SRRM3: variants seen among roughly 807,000 people sequenced by gnomAD.
SRRM3 encodes the protein serine/arginine repetitive matrix protein 3.
In SRRM3, 27 loss-of-function variants were observed where a neutral mutation model predicts 66.2. The observed-to-expected ratio is 0.41, with a 90% CI of 0.30 to 0.56. The LOEUF is 0.56. Ranked by LOEUF, SRRM3 falls within the 20% of genes least tolerant of loss-of-function variation. The pLI is 0.32. For synonymous variants in SRRM3, 391 were observed against 414.9 expected, an observed-to-expected ratio of 0.94 and a Z score of 0.70; for missense variants, 918 against 991.9, an observed-to-expected ratio of 0.93 and a Z score of 1.00.
At chr7:76,245,095 G>A (rs782453627) in intron 2 of SRRM3, among the ~76,000 whole-genome samples, 2 of 152,214 alleles carry the variant, frequency 1.3e-5, no homozygotes, top group Admixed American at 6.5e-5. Flanking sequence ...ACCTGCGATG[G>A]GGGGAGGCAT....
Position 76,261,587 on chromosome 7 carries a change from C to T in SRRM3, c.674+6C>T, listed in dbSNP as rs370761047. 3.5e-5 allele frequency: 56 copies of T among 1,610,232 alleles called. No homozygotes were observed. The highest frequency in any genetic ancestry group is 3.3e-4 in the African/African-American group (25 of 74,934). On this transcript the variant is annotated splice_donor_region_variant and intron_variant, in intron 8 of 14. Coordinates refer to ENST00000611745, the MANE Select transcript of SRRM3 (RefSeq NM_001110199.3). ...CGGAGGAAGAGACGGCACAGGTGAG[C>T]GGCGCTTTGCAGAGGACATGGTCAG...
chr7:76,209,604 A>AT (rs11290590), intron 1 of SRRM3, among the ~76,000 whole-genome samples: 2,749 of 136,794 alleles, frequency 0.02, 52 homozygotes, highest in African/African-American at 0.044. Flanking sequence ...AAGAGTTGGA[A>AT]TTTTTTTTTT....
At chr7:76,277,299 T>C (rs908676531) in intron 11 of SRRM3, among the ~76,000 whole-genome samples, 2 of 152,102 alleles carry the variant, frequency 1.3e-5, no homozygotes, top group Non-Finnish European at 2.9e-5. Context: ...CTCAGCATAA[T>C]GTAGTGGGAA....
At chr7:76,261,307 A>G in intron 6 of SRRM3, 45 bp from the exon 7 acceptor site, 3 of 111,470 alleles carry the variant, frequency 2.7e-5, no homozygotes, top group South Asian at 1.3e-4. Context: ...CCAGCCCCCC[A>G]CCCCCCACCC....
chr7:76,206,733 C>G (rs910020199), intron 1 of SRRM3, among the ~76,000 whole-genome samples: 1 of 152,180 alleles, frequency 6.6e-6, no homozygotes, highest in East Asian at 1.9e-4. Context: ...CCTCGCCCCC[C>G]AAGGACTCCT....
chr7:76,275,173 T>G (rs1180660275), intron 11 of SRRM3, among the ~76,000 whole-genome samples: 1 of 150,296 alleles, frequency 6.7e-6, no homozygotes, highest in Non-Finnish European at 1.5e-5. Context: ...CTACACGGGC[T>G]TCTATCTTCA....
intron 1 of SRRM3, 152 bp from the exon 2 acceptor site, chr7:76,234,876 A>G (rs1156506437): frequency 3.4e-6 from 2 of 584,254 alleles, no homozygotes; most frequent in Non-Finnish European, 5.9e-6. Context: ...CAAAGGTGCA[A>G]ACCAGCCGTC....
In SRRM3 at chr7:76,266,051, G is replaced by C. The variant is rs1355373234; in HGVS notation, c.830+583G>C. On this transcript the variant is annotated intron_variant, in intron 10 of 14. Transcript: ENST00000611745. ...GCCCGGCTAATTTTTTGTATTTTTA[G>C]TAGAGACGGGGTTTCACCGTTTTAG... is the stretch of plus-strand genomic sequence containing the variant. Among the ~76,000 whole-genome samples the C allele has an allele frequency of 3.8e-5, 3 of 78,348 alleles. 1 individual carries two copies. The highest frequency in any genetic ancestry group is 3.6e-4 in the African/African-American group (3 of 8,302). 51.4% of individuals were successfully genotyped at this position (78,348 alleles called of 152,430 possible). A position where few individuals can be genotyped will look rare whatever the true frequency, so the allele number is the denominator to read the frequency against.
chr7:76,265,985 CAGCCTCCCA>C (rs1474491845), intron 10 of SRRM3, among the ~76,000 whole-genome samples: 1 of 72,870 alleles, frequency 1.4e-5, no homozygotes, highest in Non-Finnish European at 2.1e-5. Context: ...TCTCCTGCCT[CAGCCTCCCA>C]AGTAGCTGGG....
intron 12 of SRRM3, 149 bp from the exon 13 acceptor site, chr7:76,282,499 T>C: frequency 2.5e-6 from 1 of 398,296 alleles, no homozygotes; most frequent in South Asian, 5.1e-5. Flanking sequence ...CTCACTAGGC[T>C]CCGCGTTCAC....
chr7:76,219,969 G>A (rs1368254169), intron 1 of SRRM3, among the ~76,000 whole-genome samples: 1 of 152,166 alleles, frequency 6.6e-6, no homozygotes, highest in Non-Finnish European at 1.5e-5. Context: ...CAAAGTAGAT[G>A]ACCATGAGGC....
At chr7:76,272,182 C>T (rs1213448821) in intron 11 of SRRM3, among the ~76,000 whole-genome samples, 2 of 152,188 alleles carry the variant, frequency 1.3e-5, no homozygotes, top group African/African-American at 4.8e-5. Context: ...AAAGAGTATA[C>T]AGAGTTTGCC....
chr7:76,232,574 A>G, intron 1 of SRRM3, among the ~76,000 whole-genome samples: 1 of 148,816 alleles, frequency 6.7e-6, no homozygotes, highest in Non-Finnish European at 1.5e-5. Flanking sequence ...TCCTTCTCCA[A>G]AAAAAAAAAG....
At position 76,259,976 on chromosome 7, in the gene SRRM3, G is replaced by A. The variant is rs543352927; in HGVS notation, c.406G>A (p.Asp136Asn). 9.4e-6 allele frequency: 15 copies of A among 1,600,386 alleles called. No homozygotes were observed. The highest frequency in any genetic ancestry group is 8.9e-5 in the East Asian group (4 of 44,778). Residue 136 changes from aspartate (D) to asparagine (N), a missense_variant, in exon 4 of 15, where the codon GAC (aspartate) becomes AAC (asparagine). By Grantham distance (23) the Asp-to-Asn change is conservative. Coordinates refer to ENST00000611745, the MANE Select transcript of SRRM3 (RefSeq NM_001110199.3). ...GGAGTACGCGCCCTTTGACGATGACGACGGCCCAGTGGACTGTGACTGCCC... is the reference window on the plus strand; with the variant it reads ...GGAGTACGCGCCCTTTGACGATGACAACGGCCCAGTGGACTGTGACTGCCC... ...GLEYAPFDDDDGPVDCDCPAS... is the reference protein window; with the variant it reads ...GLEYAPFDDDNGPVDCDCPAS...
intron 11 of SRRM3, among the ~76,000 whole-genome samples, chr7:76,279,368 G>A (rs1472302776): frequency 6.6e-6 from 1 of 151,950 alleles, no homozygotes; most frequent in Non-Finnish European, 1.5e-5. Flanking sequence ...TTTACTAGGT[G>A]CCAAGTTCGG....
At chr7:76,229,023 G>A (rs907838332) in intron 1 of SRRM3, among the ~76,000 whole-genome samples, 28 of 151,002 alleles carry the variant, frequency 1.9e-4, no homozygotes, top group African/African-American at 5.6e-4. Context: ...CTCAGCCTCC[G>A]GAGTAGCTGG....
chr7:76,235,394 TGGGCGGGGAGAA>T, intron 2 of SRRM3, 95 bp downstream of exon 2: 1 of 1,014,312 alleles, frequency 9.9e-7, no homozygotes, highest in Non-Finnish European at 1.3e-6. Flanking sequence ...GCGAACGTCG[TGGGCGGGGAGAA>T]GGGCGGGGCT....
At chr7:76,271,688 C>G (rs1554610537) in intron 11 of SRRM3, among the ~76,000 whole-genome samples, 1 of 152,134 alleles carries the variant, frequency 6.6e-6, no homozygotes, top group African/African-American at 2.4e-5. Context: ...AGCCCTCTGA[C>G]TCTGACCTCT....
rs1554609856 is a variant in SRRM3, at chr7:76,267,241, C to T, written c.831-17C>T. On this transcript the variant is annotated splice_polypyrimidine_tract_variant and intron_variant, in intron 10 of 14. Coordinates refer to ENST00000611745, the MANE Select transcript of SRRM3 (RefSeq NM_001110199.3). ...TCCCACGCCGACTCCCCCATTCTTC[C>T]TGGCGCCTAACCCCAGGCTGAGCCC... is the stretch of plus-strand genomic sequence containing the variant. The T allele has an allele frequency of 1.3e-6, 2 of 1,518,620 alleles. No individual in the cohort carries two copies. Among genetic ancestry groups the T allele is most frequent in the Non-Finnish European group, 1.8e-6 (2 of 1,140,708 alleles). The allele number at this position is 1,518,620 out of a possible 1,614,324, so 94.1% of individuals were successfully genotyped here.
Sources: allele counts gnomAD v4.1 joint callset (sites outside exome capture counted in the v4.1 genomes callset), GRCh38; gene constraint gnomAD v4.1.1; transcripts MANE v1.5; gene names NCBI Gene and HGNC (gene_info 2026-07-23, HGNC 2026-07-21).